KIAA1217: variants seen among roughly 807,000 people sequenced by gnomAD.
The protein encoded by KIAA1217 is KIAA1217.
A neutral mutation model predicts 163.9 loss-of-function variants in KIAA1217; 88 were observed. The ratio of observed to expected loss-of-function variants is 0.54; its 90% CI spans 0.45 to 0.64. KIAA1217 has a LOEUF of 0.64. Among genes scored for constraint, KIAA1217 ranks in the 30% least tolerant of loss-of-function variants. The pLI is 0.00. For missense variants in KIAA1217, 2,372 were observed against 2,475.0 expected (o/e 0.96, Z 0.88); for synonymous variants, 903 against 923.1 (o/e 0.98, Z 0.39).
chr10:24,094,617 C>T (rs372247657), intron 2 of KIAA1217, among the ~76,000 whole-genome samples: 1 of 152,150 alleles, frequency 6.6e-6, no homozygotes, highest in African/African-American at 2.4e-5. Flanking sequence ...AGTACCCAGC[C>T]GTGTGAGGTG....
At chr10:23,907,111 T>C (rs1409128686) in intron 1 of KIAA1217, among the ~76,000 whole-genome samples, 3 of 152,110 alleles carry the variant, frequency 2.0e-5, no homozygotes, top group Admixed American at 6.6e-5. Flanking sequence ...CTCCCATGTG[T>C]ATTAAAGCAA....
intron 2 of KIAA1217, among the ~76,000 whole-genome samples, chr10:24,021,962 T>A (rs1168654388): frequency 2.0e-5 from 3 of 151,618 alleles, no homozygotes; most frequent in Admixed American, 2.0e-4. Context: ...CACCTAAATG[T>A]AAAACCCAAA....
At chr10:24,349,106 C>T (rs1407747743) in intron 2 of KIAA1217, among the ~76,000 whole-genome samples, 2 of 141,602 alleles carry the variant, frequency 1.4e-5, no homozygotes. Context: ...GCACCCCAGC[C>T]AGGGCAACAG....
chr10:24,264,774 TCTC>T (rs2076056720), intron 2 of KIAA1217, among the ~76,000 whole-genome samples: 1 of 120,336 alleles, frequency 8.3e-6, no homozygotes, highest in African/African-American at 3.6e-5. Context: ...TTTCTCTCTC[TCTC>T]TCTCTCTCTC....
chr10:24,231,093 C>A (rs920825413), intron 2 of KIAA1217, among the ~76,000 whole-genome samples: 5 of 152,212 alleles, frequency 3.3e-5, no homozygotes, highest in Non-Finnish European at 1.5e-5. Context: ...GCTCATCCTG[C>A]AATGGATGAA....
At chr10:24,164,849 C>A (rs1359454584) in intron 2 of KIAA1217, among the ~76,000 whole-genome samples, 4 of 152,180 alleles carry the variant, frequency 2.6e-5, no homozygotes, top group African/African-American at 7.2e-5. Context: ...AATAATATTT[C>A]TGAACTATTT....
intron 2 of KIAA1217, among the ~76,000 whole-genome samples, chr10:24,025,554 C>G (rs1847905974): frequency 6.6e-6 from 1 of 151,620 alleles, no homozygotes; most frequent in Non-Finnish European, 1.5e-5. Context: ...TAAAATCTAG[C>G]TAAAATCTTA....
intron 2 of KIAA1217, among the ~76,000 whole-genome samples, chr10:24,068,009 G>A (rs2061033649): frequency 6.6e-6 from 1 of 152,226 alleles, no homozygotes. Flanking sequence ...GTATTAGGGT[G>A]GGAGTAACCC....
At chr10:23,883,390 A>G (rs765739250) in intron 1 of KIAA1217, among the ~76,000 whole-genome samples, 4 of 151,934 alleles carry the variant, frequency 2.6e-5, no homozygotes, top group African/African-American at 7.2e-5. Context: ...AAAAAAGGAA[A>G]TGTAAAAAAA....
rs184238958 is a variant in KIAA1217, at chr10:23,749,362, T to A, written c.-321+54128T>A. On this transcript the variant is annotated intron_variant, in intron 1 of 18. Coordinates refer to the KIAA1217 transcript ENST00000376462. ...ATGTCTCTTTCTCCAACTCCCTTTG[T>A]TCTCTGCCATCTTTACCCATTTCTA... 2.6e-4 allele frequency among the ~76,000 whole-genome samples: 39 copies of A among 152,308 alleles called. No homozygotes were observed. The East Asian group carries it at 7.3e-3, about 29-fold the overall frequency.
chr10:24,379,197 TTCACTGAGGACCAC>T (rs2052958869), intron 2 of KIAA1217, among the ~76,000 whole-genome samples: 1 of 152,210 alleles, frequency 6.6e-6, no homozygotes, highest in African/African-American at 2.4e-5. Flanking sequence ...AGGAAGCTAC[TTCACTGAGGACCAC>T]GTGAATTTGT....
intron 2 of KIAA1217, among the ~76,000 whole-genome samples, chr10:24,026,741 G>GTTTT (rs1488986283): frequency 1.8e-5 from 1 of 54,316 alleles, no homozygotes; most frequent in African/African-American, 8.2e-5. Flanking sequence ...CTATTTCATT[G>GTTTT]ATTTTTTTTT....
chr10:24,354,738 C>CTCTGCTCTTCTGCTCCTCTGCTCT (rs2048868230), intron 2 of KIAA1217, among the ~76,000 whole-genome samples: 3 of 149,396 alleles, frequency 2.0e-5, no homozygotes, highest in African/African-American at 7.5e-5. Context: ...CTCTTCTCTC[C>CTCTGCTCTTCTGCTCCTCTGCTCT]TCTGCTCCTC....
At chr10:24,072,052 G>A (rs2061206483) in intron 2 of KIAA1217, among the ~76,000 whole-genome samples, 1 of 151,956 alleles carries the variant, frequency 6.6e-6, no homozygotes, top group African/African-American at 2.4e-5. Context: ...TAGAGATGAG[G>A]TTCTACTCCA....
At chr10:24,484,248 T>A (rs1399329023) in intron 6 of KIAA1217, among the ~76,000 whole-genome samples, 188 of 114,854 alleles carry the variant, frequency 1.6e-3, no homozygotes, top group African/African-American at 5.4e-3. Flanking sequence ...TATATTTTTT[T>A]TTTTTTTTTT....
rs1234541892 is a variant in KIAA1217 at position 24,220,752 on chromosome 10, GC to G, written c.354+845del. 2.4e-4 allele frequency among the ~76,000 whole-genome samples: 33 copies of G among 138,704 alleles called. No individual in the cohort carries two copies. The East Asian group carries it at 6.4e-3, about 27-fold the overall frequency. The allele number at this position is 138,704 out of a possible 152,430, so 91.0% of individuals were successfully genotyped here. ...TACAGGCGTAAGCCACTGCACCCCG[GC>G]CTTTTTTTTTTTTTTTTTTTTTTTG... On this transcript the variant is annotated intron_variant, in intron 2 of 20. Coordinates refer to ENST00000376454, the MANE Select transcript of KIAA1217 (RefSeq NM_019590.5).
intron 1 of KIAA1217, among the ~76,000 whole-genome samples, chr10:23,705,217 C>T (rs995566585): frequency 6.6e-6 from 1 of 152,036 alleles, no homozygotes; most frequent in Non-Finnish European, 1.5e-5. Context: ...TTTCTCTCTT[C>T]CTGTAGGTTT....
At chr10:24,187,250 C>T (rs925806570) in intron 2 of KIAA1217, among the ~76,000 whole-genome samples, 60 of 152,148 alleles carry the variant, frequency 3.9e-4, no homozygotes, top group African/African-American at 1.4e-3. Context: ...GCCTCCCTTT[C>T]TCTCATTCTT....
At chr10:23,946,997 T>C (rs1392486947) in intron 1 of KIAA1217, among the ~76,000 whole-genome samples, 1 of 152,124 alleles carries the variant, frequency 6.6e-6, no homozygotes, top group Non-Finnish European at 1.5e-5. Context: ...TCATAAGATC[T>C]GATGGTTTTA....
Sources: allele counts gnomAD v4.1 joint callset (sites outside exome capture counted in the v4.1 genomes callset), GRCh38; gene constraint gnomAD v4.1.1; transcripts MANE v1.5; gene names NCBI Gene and HGNC (gene_info 2026-07-23, HGNC 2026-07-21).